Variants in ANXA4 observed in about 807,000 individuals in gnomAD.
ANXA4 encodes the protein 35-beta calcimedin.
Under a neutral mutation model 49.8 loss-of-function variants are expected in ANXA4, and 39 were observed. That is an observed-to-expected ratio of 0.78 (90% CI 0.61 to 1.02). The LOEUF (loss-of-function observed/expected upper bound fraction) is 1.02. Among genes scored for constraint, ANXA4 ranks in the 50% least tolerant of loss-of-function variants. ANXA4 has a pLI of 0.00. For synonymous variants in ANXA4, 134 were observed against 152.5 expected, an observed-to-expected ratio of 0.88 and a Z score of 0.89; for missense variants, 360 against 410.1, an observed-to-expected ratio of 0.88 and a Z score of 1.05.
intron 3 of ANXA4, among the ~76,000 whole-genome samples, chr2:69,799,898 C>G (rs746435945): frequency 6.6e-6 from 1 of 152,158 alleles, no homozygotes; most frequent in East Asian, 1.9e-4. Context: ...TAACAACAAC[C>G]GTAGCAATAA....
At chr2:69,822,150 C>T (rs1408324970) in intron 12 of ANXA4, among the ~76,000 whole-genome samples, 2 of 152,018 alleles carry the variant, frequency 1.3e-5, no homozygotes, top group South Asian at 2.1e-4. Flanking sequence ...CACTTGAGCC[C>T]GGGAGTTCGA....
At chr2:69,761,645 G>T (rs1468496080) in intron 1 of ANXA4, among the ~76,000 whole-genome samples, 6 of 151,976 alleles carry the variant, frequency 3.9e-5, no homozygotes, top group Non-Finnish European at 5.9e-5. Context: ...ACGTAGCTGG[G>T]TGCAGTGGCT....
chr2:69,654,751 G>T (rs181175330), intron 2 of ANXA4, among the ~76,000 whole-genome samples: 42 of 152,270 alleles, frequency 2.8e-4, no homozygotes, highest in African/African-American at 9.6e-4. Flanking sequence ...AAAGCTGGAG[G>T]CATCGCACTA....
At chr2:69,735,964 A>G (rs927388386) in intron 3 of ANXA4, among the ~76,000 whole-genome samples, 2 of 151,772 alleles carry the variant, frequency 1.3e-5, no homozygotes, top group Non-Finnish European at 2.9e-5. Flanking sequence ...AAGCTCCTTG[A>G]CTCTTTATTT....
At chr2:69,728,819 A>G (rs1670027169) in intron 3 of ANXA4, among the ~76,000 whole-genome samples, 2 of 69,248 alleles carry the variant, frequency 2.9e-5, no homozygotes, top group South Asian at 1.5e-3. Context: ...TTTCTTCAAG[A>G]TAGACTTTGC....
chr2:69,686,032 G>C (rs958862146), intron 2 of ANXA4, among the ~76,000 whole-genome samples: 1 of 152,134 alleles, frequency 6.6e-6, no homozygotes, highest in African/African-American at 2.4e-5. Context: ...CTCAAGAGGA[G>C]AGATAATAAT....
intron 1 of ANXA4, among the ~76,000 whole-genome samples, chr2:69,776,629 C>T (rs763595582): frequency 6.6e-6 from 1 of 152,150 alleles, no homozygotes; most frequent in Non-Finnish European, 1.5e-5. Flanking sequence ...TTAGCACAGA[C>T]CCCACTGGTT....
intron 1 of ANXA4, among the ~76,000 whole-genome samples, chr2:69,749,033 A>G (rs1234726234): frequency 6.6e-6 from 1 of 152,018 alleles, no homozygotes; most frequent in African/African-American, 2.4e-5. Context: ...TTTTTAGAGG[A>G]AAGAGAGTTG....
intron 12 of ANXA4, among the ~76,000 whole-genome samples, chr2:69,822,920 T>A (rs1311620424): frequency 3.3e-5 from 5 of 151,836 alleles, no homozygotes; most frequent in South Asian, 2.1e-4. Flanking sequence ...ATATATATAT[T>A]TTTTTACCAC....
At chr2:69,728,738 A>G (rs1380406502) in intron 3 of ANXA4, among the ~76,000 whole-genome samples, 4 of 152,202 alleles carry the variant, frequency 2.6e-5, no homozygotes, top group Non-Finnish European at 4.4e-5. Flanking sequence ...CTATCTGTAT[A>G]TGAATACCAC....
intron 2 of ANXA4, among the ~76,000 whole-genome samples, chr2:69,662,893 C>T (rs1174894708): frequency 6.6e-6 from 1 of 151,624 alleles, no homozygotes; most frequent in Non-Finnish European, 1.5e-5. Context: ...TACTCATGTA[C>T]TATAAGTATG....
intron 2 of ANXA4, among the ~76,000 whole-genome samples, chr2:69,691,575 A>ACACACACACACACACACG (rs1677969183): frequency 1.4e-3 from 1 of 738 alleles, no homozygotes. Flanking sequence ...ACACACATGC[A>ACACACACACACACACACG]CACACACACA....
intron 2 of ANXA4, among the ~76,000 whole-genome samples, chr2:69,713,182 TA>T (rs563756869): frequency 3.4e-4 from 49 of 143,352 alleles, no homozygotes; most frequent in Admixed American, 4.9e-4. Flanking sequence ...TATTATGAAG[TA>T]AAAAAAAAAA....
intron 1 of ANXA4, among the ~76,000 whole-genome samples, chr2:69,647,048 ACATGCATGTTTGCTCACTATG>A (rs780145934): frequency 6.6e-6 from 1 of 152,254 alleles, no homozygotes; most frequent in Non-Finnish European, 1.5e-5. Flanking sequence ...GACATATGTA[ACATGCATGTTTGCTCACTATG>A]CATGCATGTG....
intron 2 of ANXA4, among the ~76,000 whole-genome samples, chr2:69,683,695 T>C (rs539742196): frequency 6.6e-6 from 1 of 152,272 alleles, no homozygotes; most frequent in East Asian, 1.9e-4. Flanking sequence ...AGAGAGTATA[T>C]GGAGACAGCC....
At chr2:69,651,607 A>T (rs1413050163) in intron 1 of ANXA4, among the ~76,000 whole-genome samples, 2 of 151,708 alleles carry the variant, frequency 1.3e-5, no homozygotes, top group East Asian at 3.9e-4. Flanking sequence ...GGTTCACGCC[A>T]TTCTCCTGCC....
chr2:69,709,600 C>T (rs75929791), intron 2 of ANXA4, among the ~76,000 whole-genome samples: 3,656 of 152,216 alleles, frequency 0.024, 150 homozygotes, highest in African/African-American at 0.081. Flanking sequence ...TTTTAGAGTA[C>T]ATACACGGGA....
chr2:69,781,633 G>T, intron 2 of ANXA4, 59 bp downstream of exon 2: 1 of 1,596,200 alleles, frequency 6.3e-7, no homozygotes, highest in East Asian at 2.2e-5. Context: ...TACAGAATGT[G>T]GGCTCAGCAA....
intron 1 of ANXA4, among the ~76,000 whole-genome samples, chr2:69,756,820 C>T (rs950285318): frequency 6.6e-6 from 1 of 151,298 alleles, no homozygotes; most frequent in African/African-American, 2.4e-5. Context: ...AGTAAAGCAC[C>T]AAGATCCTAA....
Sources: gnomAD v4.1 joint callset for allele counts (sites outside exome capture counted in the v4.1 genomes callset) on GRCh38, gnomAD v4.1.1 for gene constraint, MANE v1.5 for transcripts, NCBI Gene and HGNC (gene_info 2026-07-23, HGNC 2026-07-21) for gene names.